Variants in MBOAT2 observed in about 807,000 individuals in gnomAD.
MBOAT2 encodes the protein membrane-bound glycerophospholipid O-acyltransferase 2.
In MBOAT2, 28 loss-of-function variants were observed where a neutral mutation model predicts 63.4. The ratio of observed to expected loss-of-function variants is 0.44; its 90% CI spans 0.33 to 0.61. The LOEUF (loss-of-function observed/expected upper bound fraction) is 0.61. MBOAT2 is among the 20% of genes least tolerant of loss of function. The pLI is 0.03. For missense variants in MBOAT2, 470 were observed against 605.8 expected (o/e 0.78, Z 2.35); for synonymous variants, 211 against 215.6 (o/e 0.98, Z 0.19).
At chr2:8,987,526 G>A (rs1671654591) in intron 1 of MBOAT2, among the ~76,000 whole-genome samples, 1 of 152,186 alleles carries the variant, frequency 6.6e-6, no homozygotes. Context: ...CTTGAATTTG[G>A]CAGCTGAAAA....
intron 6 of MBOAT2, 121 bp downstream of exon 6, chr2:8,882,390 G>T: frequency 1.0e-6 from 1 of 986,572 alleles, no homozygotes; most frequent in Non-Finnish European, 1.6e-6. Context: ...TGGAGAGAGT[G>T]AGGCTTGATT....
chr2:8,929,751 T>G (rs934528003), intron 3 of MBOAT2, among the ~76,000 whole-genome samples: 3 of 152,222 alleles, frequency 2.0e-5, no homozygotes, highest in African/African-American at 7.2e-5. Context: ...GTAATGGGAC[T>G]GCTGGGTCAA....
intron 3 of MBOAT2, among the ~76,000 whole-genome samples, chr2:8,914,807 T>A (rs1289593979): frequency 6.6e-6 from 1 of 152,138 alleles, no homozygotes; most frequent in African/African-American, 2.4e-5. Flanking sequence ...AAACAAAAAT[T>A]GTTTTCATTG....
At chr2:8,880,714 G>A (rs1484658839) in intron 6 of MBOAT2, among the ~76,000 whole-genome samples, 1 of 152,214 alleles carries the variant, frequency 6.6e-6, no homozygotes, top group African/African-American at 2.4e-5. Context: ...AAGAGCCAGT[G>A]AAGGAGGAGA....
intron 2 of MBOAT2, among the ~76,000 whole-genome samples, chr2:8,957,618 A>C (rs1369329701): frequency 6.6e-6 from 1 of 152,214 alleles, no homozygotes; most frequent in Admixed American, 6.5e-5. Context: ...TCTACACCCC[A>C]CAGACCAAGT....
chr2:9,001,204 A>T (rs1314023803), intron 1 of MBOAT2, among the ~76,000 whole-genome samples: 1 of 151,984 alleles, frequency 6.6e-6, no homozygotes, highest in African/African-American at 2.4e-5. Context: ...TTTTTTTTTT[A>T]AATAAATAGG....
At chr2:8,860,575 G>C (rs1217759410) in intron 12 of MBOAT2, 38 bp downstream of exon 12, 1 of 1,595,970 alleles carries the variant, frequency 6.3e-7, no homozygotes, top group Admixed American at 1.8e-5. Flanking sequence ...TGAAAATAGA[G>C]TTATTCCCAC....
chr2:8,941,697 G>GA (rs1346504903), intron 3 of MBOAT2, among the ~76,000 whole-genome samples: 1 of 151,730 alleles, frequency 6.6e-6, no homozygotes, highest in African/African-American at 2.4e-5. Flanking sequence ...CCAAGGAACT[G>GA]AATTCTAAGT....
At chr2:8,941,841 C>T (rs922748222) in intron 3 of MBOAT2, among the ~76,000 whole-genome samples, 12 of 152,296 alleles carry the variant, frequency 7.9e-5, no homozygotes, top group African/African-American at 2.9e-4. Context: ...TTTCCCATTG[C>T]TAAACATGAA....
intron 2 of MBOAT2, among the ~76,000 whole-genome samples, chr2:8,949,525 A>G (rs1361007056): frequency 6.6e-6 from 1 of 151,734 alleles, no homozygotes; most frequent in Non-Finnish European, 1.5e-5. Flanking sequence ...GTACATGGTG[A>G]AAGGTAGGGG....
chr2:8,864,204 T>G lies in MBOAT2; in HGVS notation c.1018A>C (p.Asn340His). The change falls in exon 10 of 13, where the codon AAT becomes CAT. Residue 340 changes from asparagine (N) to histidine (H), a missense_variant. Asn to His is a moderately conservative substitution (Grantham distance 68). Transcript: ENST00000305997. ...MSTSFKMFLD[N>H]WNIQTALWLK... is the part of the protein sequence containing the mutation. Reference sequence around the variant, plus strand: ...CAAAGAGCTGTCTGAATATTCCAATTATCAAGAAACATCTTGAAACTTGTT... The same window carrying G: ...CAAAGAGCTGTCTGAATATTCCAATGATCAAGAAACATCTTGAAACTTGTT... The G allele has an allele frequency of 6.3e-7, 1 of 1,581,872 alleles. No homozygotes were observed. Among genetic ancestry groups the G allele is most frequent in the South Asian group, 1.2e-5 (1 of 84,200 alleles).
chr2:8,936,786 C>CAAAA (rs745694357), intron 3 of MBOAT2, among the ~76,000 whole-genome samples: 1 of 56,300 alleles, frequency 1.8e-5, no homozygotes, highest in African/African-American at 6.8e-5. Context: ...GACTCCGTCT[C>CAAAA]AAAAAAAAAA....
chr2:8,982,574 G>A (rs1047856515), intron 1 of MBOAT2, among the ~76,000 whole-genome samples: 1 of 152,116 alleles, frequency 6.6e-6, no homozygotes, highest in African/African-American at 2.4e-5. Flanking sequence ...TTGCTTCTAT[G>A]ACACTGCGTA....
chr2:8,867,890 C>T (rs983757842), intron 9 of MBOAT2, among the ~76,000 whole-genome samples: 21 of 152,172 alleles, frequency 1.4e-4, no homozygotes, highest in African/African-American at 3.9e-4. Context: ...ATAATCCATC[C>T]GCAGTGCCCC....
In MBOAT2 at chr2:8,857,271, C is replaced by T. The variant is rs893533448; in HGVS notation, c.*1408G>A. ...AAGTCAGAAGGCTTTGCCCCCTCCCCTCCTACAGGGCAGGAGGTACAATCT... is the reference window on the plus strand; with the variant it reads ...AAGTCAGAAGGCTTTGCCCCCTCCCTTCCTACAGGGCAGGAGGTACAATCT... On this transcript the variant is annotated 3_prime_UTR_variant, in exon 13 of 13. Transcript: ENST00000305997. 1 of 152,686 alleles carries T rather than the reference C, an allele frequency of 6.5e-6. No individual in the cohort carries two copies. Among genetic ancestry groups the T allele is most frequent in the Non-Finnish European group, 1.5e-5 (1 of 68,050 alleles). The allele number at this position is 152,686 out of a possible 1,614,324, so 9.5% of individuals were successfully genotyped here. A position where few individuals can be genotyped will look rare whatever the true frequency, so the allele number is the denominator to read the frequency against.
chr2:8,993,115 A>G (rs1672029961), intron 1 of MBOAT2, among the ~76,000 whole-genome samples: 1 of 152,206 alleles, frequency 6.6e-6, no homozygotes, highest in Admixed American at 6.5e-5. Context: ...TCTCTTGATT[A>G]AAATGCTCAT....
intron 2 of MBOAT2, among the ~76,000 whole-genome samples, chr2:8,955,512 T>C (rs1218741522): frequency 6.6e-6 from 1 of 152,200 alleles, no homozygotes; most frequent in East Asian, 1.9e-4. Flanking sequence ...TTCTGGTGAA[T>C]TCCTGTTTTC....
chr2:8,922,549 C>CA, intron 3 of MBOAT2, among the ~76,000 whole-genome samples: 1 of 152,300 alleles, frequency 6.6e-6, no homozygotes, highest in Admixed American at 6.5e-5. Context: ...TGTCTCTACT[C>CA]AGTTTTTTAA....
intron 7 of MBOAT2, 25 bp downstream of exon 7, chr2:8,877,005 C>G (rs537331201): frequency 4.4e-6 from 7 of 1,580,342 alleles, no homozygotes; most frequent in African/African-American, 4.1e-5. Context: ...GCTGTAAAGG[C>G]TCCAGATAAA....
Sources: gnomAD v4.1 joint callset for allele counts (sites outside exome capture counted in the v4.1 genomes callset) on GRCh38, gnomAD v4.1.1 for gene constraint, MANE v1.5 for transcripts, NCBI Gene and HGNC (gene_info 2026-07-23, HGNC 2026-07-21) for gene names.